Variants in PSD3 observed in about 807,000 individuals in gnomAD.
PSD3 encodes pleckstrin and Sec7 domain containing 3, also known as PH and SEC7 domain-containing protein 3.
A neutral mutation model predicts 105.5 loss-of-function variants in PSD3; 49 were observed. That is an observed-to-expected ratio of 0.46 (90% confidence interval 0.37 to 0.59). The LOEUF (loss-of-function observed/expected upper bound fraction) is 0.59. Among genes scored for constraint, PSD3 ranks in the 20% least tolerant of loss-of-function variants. The pLI, the probability that PSD3 is intolerant of heterozygous loss-of-function variation, is 0.00. For missense variants in PSD3, 1,561 were observed against 1,263.8 expected (o/e 1.24, Z -3.57); for synonymous variants, 557 against 457.8 (o/e 1.22, Z -2.77).
intron 1 of PSD3, among the ~76,000 whole-genome samples, chr8:19,044,019 C>G (rs1828226967): frequency 6.6e-6 from 1 of 152,170 alleles, no homozygotes; most frequent in Non-Finnish European, 1.5e-5. Context: ...GGAGTCCAGC[C>G]TCAGGACTGT....
intron 9 of PSD3, chr8:18,733,141 T>C (rs991182159): frequency 6.6e-6 from 1 of 152,228 alleles, no homozygotes; most frequent in Non-Finnish European, 1.5e-5. Flanking sequence ...TACTGCTTTT[T>C]CTTATGACTT....
At chr8:18,917,999 T>C (rs1025459039) in intron 2 of PSD3, among the ~76,000 whole-genome samples, 4 of 152,224 alleles carry the variant, frequency 2.6e-5, no homozygotes, top group African/African-American at 9.7e-5. Context: ...AACCACAATC[T>C]ATCTCTAGAT....
At chr8:18,550,677 C>T (rs190887831) in intron 15 of PSD3, among the ~76,000 whole-genome samples, 1 of 152,282 alleles carries the variant, frequency 6.6e-6, no homozygotes, top group East Asian at 1.9e-4. Flanking sequence ...TTGAATACCT[C>T]ACGTAATATA....
At chr8:18,625,177 A>C (rs546751131) in intron 11 of PSD3, among the ~76,000 whole-genome samples, 5 of 127,756 alleles carry the variant, frequency 3.9e-5, no homozygotes, top group Non-Finnish European at 8.2e-5. Flanking sequence ...GTTAGAACTG[A>C]GGTGGGGAAT....
chr8:18,696,069 G>A (rs376099880), intron 9 of PSD3, among the ~76,000 whole-genome samples: 19 of 152,308 alleles, frequency 1.2e-4, no homozygotes, highest in African/African-American at 4.3e-4. Flanking sequence ...ATGAAAAAAG[G>A]TGCCTGGCCC....
chr8:18,935,511 TAAA>T (rs5889837), intron 2 of PSD3, among the ~76,000 whole-genome samples: 15 of 138,082 alleles, frequency 1.1e-4, no homozygotes, highest in Non-Finnish European at 1.1e-4. Flanking sequence ...CCCTGTCTCT[TAAA>T]AAAAAAAAAA....
chr8:18,970,507 TCAGA>T (rs1455524070), intron 1 of PSD3, among the ~76,000 whole-genome samples: 2 of 152,046 alleles, frequency 1.3e-5, no homozygotes, highest in African/African-American at 2.4e-5. Flanking sequence ...TACCAGACAA[TCAGA>T]CATAGTTTCA....
intron 1 of PSD3, among the ~76,000 whole-genome samples, chr8:19,056,920 G>T (rs976826688): frequency 6.6e-6 from 1 of 152,200 alleles, no homozygotes; most frequent in Non-Finnish European, 1.5e-5. Context: ...CAAGCTGTGG[G>T]TGATGAGCTC....
chr8:18,837,791 T>G (rs1814242200), intron 4 of PSD3, among the ~76,000 whole-genome samples: 1 of 152,110 alleles, frequency 6.6e-6, no homozygotes, highest in South Asian at 2.1e-4. Flanking sequence ...TAATTAAAAT[T>G]TAAACATATT....
chr8:18,951,401 C>T (rs1823227134), intron 1 of PSD3, among the ~76,000 whole-genome samples: 1 of 151,832 alleles, frequency 6.6e-6, no homozygotes, highest in South Asian at 2.1e-4. Flanking sequence ...GACCCTGTCT[C>T]AAGAAAACAA....
chr8:18,635,752 G>C (rs2130780845), intron 10 of PSD3, among the ~76,000 whole-genome samples: 1 of 152,166 alleles, frequency 6.6e-6, no homozygotes, highest in Non-Finnish European at 1.5e-5. Flanking sequence ...GATGAAGCTG[G>C]AAACCATCAT....
At chr8:18,780,348 ATT>A (rs58250647) in intron 8 of PSD3, among the ~76,000 whole-genome samples, 8 of 150,762 alleles carry the variant, frequency 5.3e-5, no homozygotes, top group Non-Finnish European at 5.9e-5. Flanking sequence ...TAGTTAAGTC[ATT>A]TTTTTTTTGT....
chr8:18,591,412 C>G (rs1409449836), intron 12 of PSD3, among the ~76,000 whole-genome samples: 1 of 152,184 alleles, frequency 6.6e-6, no homozygotes, highest in Non-Finnish European at 1.5e-5. Context: ...GGGTGGTTCG[C>G]TGCAGTCAGC....
At chr8:18,954,391 AAG>A (rs911448820) in intron 1 of PSD3, among the ~76,000 whole-genome samples, 5 of 152,102 alleles carry the variant, frequency 3.3e-5, no homozygotes, top group African/African-American at 1.2e-4. Context: ...AAGAAAAAAA[AAG>A]AGTAGTATGG....
chr8:18,826,242 G>C (rs564187732), intron 4 of PSD3, among the ~76,000 whole-genome samples: 58 of 152,210 alleles, frequency 3.8e-4, no homozygotes, highest in African/African-American at 1.4e-3. Context: ...GGCTTCCCTG[G>C]GTCTCCAGCT....
At chr8:18,594,008 A>G (rs1803814002) in intron 12 of PSD3, among the ~76,000 whole-genome samples, 1 of 144,290 alleles carries the variant, frequency 6.9e-6, no homozygotes, top group Non-Finnish European at 1.5e-5. Flanking sequence ...TAGCATTAAG[A>G]GACATACCTA....
At chr8:18,726,730 T>G (rs554339489) in intron 9 of PSD3, among the ~76,000 whole-genome samples, 1 of 152,312 alleles carries the variant, frequency 6.6e-6, no homozygotes, top group South Asian at 2.1e-4. Context: ...TAATGAAATC[T>G]CAGATTCAGC....
chr8:18,752,529 ATTATATAT>A (rs1563225156), intron 9 of PSD3, among the ~76,000 whole-genome samples: 73 of 48,344 alleles, frequency 1.5e-3, no homozygotes, highest in Non-Finnish European at 2.0e-3. Flanking sequence ...AATATATATA[ATTATATAT>A]TATATATATT....
At chr8:18,911,170 G>A (rs1820199208) in intron 2 of PSD3, among the ~76,000 whole-genome samples, 1 of 152,168 alleles carries the variant, frequency 6.6e-6, no homozygotes, top group South Asian at 2.1e-4. Flanking sequence ...GGGGGTGGGA[G>A]CACAGTTTCA....
Sources: allele counts gnomAD v4.1 joint callset (sites outside exome capture counted in the v4.1 genomes callset), GRCh38; gene constraint gnomAD v4.1.1; transcripts MANE v1.5; gene names NCBI Gene and HGNC (gene_info 2026-07-23, HGNC 2026-07-21).